The following GPR137C variants were observed in gnomAD, a reference collection of about 807,000 sequenced individuals.
GPR137C encodes G protein-coupled receptor 137C.
In GPR137C, 27 loss-of-function variants were observed where a neutral mutation model predicts 43.4. The ratio of observed to expected loss-of-function variants is 0.62; its 90% CI spans 0.46 to 0.86. GPR137C has a LOEUF of 0.86. Among genes scored for constraint, GPR137C ranks in the 40% least tolerant of loss-of-function variants. GPR137C has a pLI of 0.00. For synonymous variants in GPR137C, 285 were observed against 226.9 expected (o/e 1.26, Z -2.30); for missense variants, 522 against 534.6 (o/e 0.98, Z 0.23).
intron 4 of GPR137C, 124 bp from the exon 5 acceptor site, chr14:52,633,406 T>A: frequency 1.4e-6 from 1 of 710,596 alleles, no homozygotes; most frequent in South Asian, 2.6e-5. Context: ...TATAGAAAGT[T>A]TTAGAGTTTA....
At chr14:52,583,184 A>T (rs887602976) in intron 1 of GPR137C, among the ~76,000 whole-genome samples, 1 of 152,082 alleles carries the variant, frequency 6.6e-6, no homozygotes, top group Non-Finnish European at 1.5e-5. Context: ...TTCTGAACTT[A>T]AAAAAAATCT....
At chr14:52,616,168 G>A (rs573524319) in intron 3 of GPR137C, among the ~76,000 whole-genome samples, 1 of 152,222 alleles carries the variant, frequency 6.6e-6, no homozygotes, top group South Asian at 2.1e-4. Flanking sequence ...TTTCAGCCCT[G>A]TCTCAAACAT....
rs765550064 is a variant in GPR137C at position 52,633,566 on chromosome 14, G to A, written c.904G>A (p.Val302Ile). 1 of 1,612,256 alleles carries A rather than the reference G, an allele frequency of 6.2e-7. No homozygotes were observed. Among genetic ancestry groups the A allele is most frequent in the Non-Finnish European group, 8.5e-7 (1 of 1,178,534 alleles). ...VEDISGEEYI[V>I]FGMVLFLWEH... is the part of the protein sequence containing the mutation. ...AGACATAAGTGGAGAAGAGTATATA[G>A]TATTTGGAATGGTCCTCTTTCTGTG... Residue 302 changes from valine to isoleucine, a missense_variant, in exon 5 of 7, where the codon GTA (valine) becomes ATA (isoleucine). Transcript: ENST00000321662.
chr14:52,578,944 CAA>C (rs564809341), intron 1 of GPR137C, among the ~76,000 whole-genome samples: 25 of 93,826 alleles, frequency 2.7e-4, no homozygotes, highest in Admixed American at 4.6e-4. Context: ...GACTCCGTCT[CAA>C]AAAAAAAAAA....
intron 3 of GPR137C, among the ~76,000 whole-genome samples, chr14:52,618,450 G>A (rs866850915): frequency 5.3e-4 from 81 of 152,034 alleles, no homozygotes; most frequent in African/African-American, 1.9e-3. Context: ...GTTTAATTAT[G>A]AATGAGCACC....
At chr14:52,593,243 T>C (rs2038806892) in intron 1 of GPR137C, among the ~76,000 whole-genome samples, 1 of 152,236 alleles carries the variant, frequency 6.6e-6, no homozygotes, top group Non-Finnish European at 1.5e-5. Flanking sequence ...CAGTATTTTA[T>C]TGAGTATTTT....
intron 1 of GPR137C, among the ~76,000 whole-genome samples, chr14:52,556,767 A>G (rs1410828423): frequency 6.6e-6 from 1 of 152,126 alleles, no homozygotes; most frequent in Non-Finnish European, 1.5e-5. Context: ...AAACCTGCAC[A>G]TGAACCTCCT....
chr14:52,572,689 G>A (rs914852977), intron 1 of GPR137C, among the ~76,000 whole-genome samples: 1 of 152,152 alleles, frequency 6.6e-6, no homozygotes, highest in East Asian at 1.9e-4. Context: ...ACTGGCACAA[G>A]ACAAGGATGT....
Position 52,636,761 on chromosome 14 carries a change from T to A in GPR137C, c.*1646T>A, listed in dbSNP as rs1218726620. 6.6e-6 allele frequency: 1 copy of A among 152,160 alleles called. No individual in the cohort carries two copies. Among genetic ancestry groups the A allele is most frequent in the African/African-American group, 2.4e-5 (1 of 41,462 alleles). 9.4% of individuals were successfully genotyped at this position (152,160 alleles called of 1,614,324 possible). Reference sequence around the variant, plus strand: ...TTGTATTCAATCAGAAGCATATACTTATGTTATTTTGGGTTTGTTTATAAT... The same window carrying A: ...TTGTATTCAATCAGAAGCATATACTAATGTTATTTTGGGTTTGTTTATAAT... On this transcript the variant is annotated 3_prime_UTR_variant, in exon 7 of 7. Coordinates refer to ENST00000321662, the MANE Select transcript of GPR137C (RefSeq NM_001099652.2).
At chr14:52,578,431 T>C (rs543107526) in intron 1 of GPR137C, among the ~76,000 whole-genome samples, 1 of 152,316 alleles carries the variant, frequency 6.6e-6, no homozygotes, top group East Asian at 1.9e-4. Flanking sequence ...AAATTTCTAC[T>C]AGCATTTGTA....
intron 3 of GPR137C, among the ~76,000 whole-genome samples, chr14:52,621,119 T>TA (rs561751909): frequency 4.1e-4 from 63 of 151,888 alleles, no homozygotes; most frequent in Middle Eastern, 3.4e-3. Flanking sequence ...TCATTACAGT[T>TA]AAAGTGCTGC....
intron 3 of GPR137C, among the ~76,000 whole-genome samples, chr14:52,610,122 A>T (rs1392800939): frequency 6.6e-6 from 1 of 152,130 alleles, no homozygotes; most frequent in Non-Finnish European, 1.5e-5. Flanking sequence ...CTTCTTCACT[A>T]CCCAAATAAG....
chr14:52,611,096 T>C (rs1481509689), intron 3 of GPR137C, among the ~76,000 whole-genome samples: 2 of 152,204 alleles, frequency 1.3e-5, no homozygotes, highest in African/African-American at 4.8e-5. Flanking sequence ...TATACCTTGT[T>C]TCCTCTGCTC....
chr14:52,616,248 G>GA lies in GPR137C; in HGVS notation c.718-15905dup, dbSNP rs369169321. ...TAAGTCTTCCTTCAGCTCACCTTGGGAAAAAAAGCCTAAAATTCACACATA... is the reference window on the plus strand; with the variant it reads ...TAAGTCTTCCTTCAGCTCACCTTGGGAAAAAAAAGCCTAAAATTCACACATA... On this transcript the variant is annotated intron_variant, in intron 3 of 6. Coordinates refer to ENST00000321662, the MANE Select transcript of GPR137C (RefSeq NM_001099652.2). Among the ~76,000 whole-genome samples, 395 of 152,052 alleles carry GA rather than the reference G, an allele frequency of 2.6e-3. 2 individuals carry two copies. Among genetic ancestry groups the GA allele is most frequent in the African/African-American group, 9.1e-3 (378 of 41,472 alleles).
chr14:52,629,384 G>A (rs1287136889), intron 3 of GPR137C, among the ~76,000 whole-genome samples: 2 of 152,154 alleles, frequency 1.3e-5, no homozygotes, highest in Non-Finnish European at 2.9e-5. Flanking sequence ...TGGAATTAGT[G>A]TGATTTACTT....
intron 3 of GPR137C, among the ~76,000 whole-genome samples, chr14:52,608,269 G>C (rs2039003582): frequency 6.6e-6 from 1 of 151,980 alleles, no homozygotes; most frequent in Non-Finnish European, 1.5e-5. Context: ...ATCTGTTATA[G>C]ATTTTTGCTT....
chr14:52,625,518 A>G (rs369611126), intron 3 of GPR137C, among the ~76,000 whole-genome samples: 6 of 107,970 alleles, frequency 5.6e-5, no homozygotes, highest in Non-Finnish European at 5.7e-5. Context: ...AAAATAGAGG[A>G]GGGAAGAACA....
At chr14:52,614,332 G>T (rs1205978850) in intron 3 of GPR137C, among the ~76,000 whole-genome samples, 1 of 151,940 alleles carries the variant, frequency 6.6e-6, no homozygotes, top group Non-Finnish European at 1.5e-5. Flanking sequence ...TGTCGCCCAG[G>T]CTGGTCTCAA....
intron 2 of GPR137C, 21 bp downstream of exon 2, chr14:52,598,336 A>C (rs1426636569): frequency 9.0e-7 from 1 of 1,106,250 alleles, no homozygotes; most frequent in Non-Finnish European, 1.3e-6. Flanking sequence ...TGAGTATCTA[A>C]ATTTCTATCT....
Sources: gnomAD v4.1 joint callset for allele counts (sites outside exome capture counted in the v4.1 genomes callset) on GRCh38, gnomAD v4.1.1 for gene constraint, MANE v1.5 for transcripts, NCBI Gene and HGNC (gene_info 2026-07-23, HGNC 2026-07-21) for gene names.